LYNX1: variants seen among roughly 807,000 people sequenced by gnomAD.
LYNX1 encodes ly-6/neurotoxin-like protein 1.
A neutral mutation model predicts 8.3 loss-of-function variants in LYNX1; 8 were observed. That is an observed-to-expected ratio of 0.97 (90% confidence interval 0.57 to 1.74). LYNX1 has a LOEUF of 1.74. Among genes scored for constraint, LYNX1 ranks in the 40% most tolerant of loss-of-function variants. The pLI is 0.00. For synonymous variants in LYNX1, 73 were observed against 67.9 expected, an observed-to-expected ratio of 1.08 and a Z score of -0.37; for missense variants, 158 against 159.7, an observed-to-expected ratio of 0.99 and a Z score of 0.06.
intron 3 of LYNX1, 90 bp downstream of exon 3, chr8:142,775,503 C>A: frequency 6.4e-7 from 1 of 1,555,850 alleles, no homozygotes; most frequent in Non-Finnish European, 8.7e-7. Flanking sequence ...AGGAGAGCCT[C>A]CTTCCTCAGG....
At position 142,772,379 on chromosome 8, in the gene LYNX1, A is replaced by C; in HGVS notation, c.*2788T>G. ...CGCTGGAGGCCTTACTCTACCACTCAGGGCTTCTCAAACCTCTGGTTCCAC... is the reference window on the plus strand; with the variant it reads ...CGCTGGAGGCCTTACTCTACCACTCCGGGCTTCTCAAACCTCTGGTTCCAC... On this transcript the variant is annotated 3_prime_UTR_variant, in exon 4 of 4. Transcript: ENST00000652477. 1 of 985,460 alleles carries C rather than the reference A, an allele frequency of 1.0e-6. No individual in the cohort carries two copies. Among genetic ancestry groups the C allele is most frequent in the Middle Eastern group, 5.2e-4 (1 of 1,914 alleles). 61.0% of individuals were successfully genotyped at this position (985,460 alleles called of 1,614,324 possible). A position where few individuals can be genotyped will look rare whatever the true frequency, so the allele number is the denominator to read the frequency against.
chr8:142,772,439 A>T lies in LYNX1; in HGVS notation c.*2728T>A. Reference sequence around the variant, plus strand: ...TTTAAGCTTTCCATTTTGTAAACTCACCTCCCCCTTCCCAGGCTTGGGGGT... The same window carrying T: ...TTTAAGCTTTCCATTTTGTAAACTCTCCTCCCCCTTCCCAGGCTTGGGGGT... On this transcript the variant is annotated 3_prime_UTR_variant, in exon 4 of 4. Coordinates refer to ENST00000652477, the MANE Select transcript of LYNX1 (RefSeq NM_177477.4). 4 of 985,172 alleles carry T rather than the reference A, an allele frequency of 4.1e-6. No individual in the cohort carries two copies. The highest frequency in any genetic ancestry group is 4.8e-6 in the Non-Finnish European group (4 of 829,914). 61.0% of individuals were successfully genotyped at this position (985,172 alleles called of 1,614,324 possible). A position where few individuals can be genotyped will look rare whatever the true frequency, so the allele number is the denominator to read the frequency against.
chr8:142,775,572 A>C, intron 3 of LYNX1, 21 bp downstream of exon 3: 1 of 1,572,504 alleles, frequency 6.4e-7, no homozygotes, highest in Non-Finnish European at 8.6e-7. Flanking sequence ...AGGCAGGGCC[A>C]CGCAGGGCCC....
rs139846676 is a variant in LYNX1, at chr8:142,775,913, T to G, written c.45A>C (p.Leu15Phe). ...GTCCTTTGTCCATCTTACCCAGAGG[T>G]AAGCCCATGAGGACCACCAGGATCA... ...LTLILVVLMG[L>F]PLAQALDCHV... is the part of the protein sequence containing the mutation. The change falls in exon 2 of 4, where the codon TTA becomes TTC. Residue 15 changes from leucine to phenylalanine, a missense_variant. Physicochemically the swap from Leu to Phe is conservative, Grantham distance 22. Coordinates refer to ENST00000652477, the MANE Select transcript of LYNX1 (RefSeq NM_177477.4). The G allele has an allele frequency of 2.5e-5, 41 of 1,613,936 alleles. No homozygotes were observed. Among genetic ancestry groups the G allele is most frequent in the Non-Finnish European group, 3.3e-5 (39 of 1,180,008 alleles).
rs587674471 is a variant in LYNX1, at chr8:142,775,177, C to A, written c.341G>T (p.Gly114Val). The change falls in exon 4 of 4, where the codon GGT becomes GTT. Residue 114 changes from glycine to valine, a missense_variant. By Grantham distance (109) the Gly-to-Val change is moderately radical. Transcript: ENST00000652477. ...LAPILLATLW[G>V]LL ...TCTGCCTCGGGGGCTTTAGAGGAGA[C>A]CCCAGAGGGTGGCCAGGAGGATGGG... is the stretch of plus-strand genomic sequence containing the variant. 1.2e-6 allele frequency: 2 copies of A among 1,611,364 alleles called. No homozygotes were observed. The highest frequency in any genetic ancestry group is 1.7e-6 in the Non-Finnish European group (2 of 1,179,082).
Position 142,774,145 on chromosome 8 carries a change from G to GCCCCGCC in LYNX1, c.*1021_*1022insGGCGGGG. ...GCTGCGGGGGAGGGGCTGGGTCTCC[G>GCCCCGCC]CCCTCCCCACCCCACCCTCCCCACT... On this transcript the variant is annotated 3_prime_UTR_variant, in exon 4 of 4. Transcript: ENST00000652477. 1.0e-6 allele frequency: 1 copy of GCCCCGCC among 981,860 alleles called. No individual in the cohort carries two copies. Among genetic ancestry groups the GCCCCGCC allele is most frequent in the Non-Finnish European group, 1.2e-6 (1 of 827,994 alleles). The allele number at this position is 981,860 out of a possible 1,614,324, so 60.8% of individuals were successfully genotyped here. A position where few individuals can be genotyped will look rare whatever the true frequency, so the allele number is the denominator to read the frequency against.
In LYNX1 at chr8:142,771,507, T is replaced by A. The variant is rs887877492; in HGVS notation, c.*3660A>T. The A allele has an allele frequency of 5.1e-6, 5 of 985,180 alleles. No individual in the cohort carries two copies. The highest frequency in any genetic ancestry group is 4.8e-6 in the Non-Finnish European group (4 of 829,902). 61.0% of individuals were successfully genotyped at this position (985,180 alleles called of 1,614,324 possible). On this transcript the variant is annotated 3_prime_UTR_variant, in exon 4 of 4. Transcript: ENST00000652477. ...CCGTGTGTCTCTCGGGCTGCCCAGG[T>A]GGCTCTGTCCACCCTTCTGTCTGGG...
rs1196066273 is a variant in LYNX1 at position 142,774,764 on chromosome 8, C to A, written c.*403G>T. ...GTCTCCCCACCACCCCACCTGCGGG[C>A]ATTCCTTGTCTTCCCCCTGCCCCAG... On this transcript the variant is annotated 3_prime_UTR_variant, in exon 4 of 4. Coordinates refer to ENST00000652477, the MANE Select transcript of LYNX1 (RefSeq NM_177477.4). 21 of 1,054,616 alleles carry A rather than the reference C, an allele frequency of 2.0e-5. No individual in the cohort carries two copies. Among genetic ancestry groups the A allele is most frequent in the Non-Finnish European group, 2.3e-5 (20 of 873,708 alleles). 65.3% of individuals were successfully genotyped at this position (1,054,616 alleles called of 1,614,324 possible). A position where few individuals can be genotyped will look rare whatever the true frequency, so the allele number is the denominator to read the frequency against.
Position 142,772,362 on chromosome 8 carries a change from G to C in LYNX1, c.*2805C>G. ...CCTGCACCCAGAGGCAGCGCTGGAG[G>C]CCTTACTCTACCACTCAGGGCTTCT... is the stretch of plus-strand genomic sequence containing the variant. On this transcript the variant is annotated 3_prime_UTR_variant, in exon 4 of 4. Coordinates refer to ENST00000652477, the MANE Select transcript of LYNX1 (RefSeq NM_177477.4). 1 of 985,540 alleles carries C rather than the reference G, an allele frequency of 1.0e-6. No individual in the cohort carries two copies. Among genetic ancestry groups the C allele is most frequent in the Non-Finnish European group, 1.2e-6 (1 of 829,968 alleles). 61.0% of individuals were successfully genotyped at this position (985,540 alleles called of 1,614,324 possible).
rs1815398390 is a variant in LYNX1, at chr8:142,775,802, TAGA to T, written c.52+101_52+103del. 35 of 1,555,944 alleles carry T rather than the reference TAGA, an allele frequency of 2.2e-5. No homozygotes were observed. The Middle Eastern group carries it at 5.0e-4, about 22-fold the overall frequency. ...CGTCACCTTCCCCGGGGCAGGGGGC[TAGA>T]AGGAGGGGTTGTCGCTGGGAATTCT... On this transcript the variant is annotated intron_variant, in intron 2 of 3. Transcript: ENST00000652477.
In LYNX1 at chr8:142,775,061, G is replaced by A; in HGVS notation, c.*106C>T. ...CACAGTCCTGACCCTGGGCATGGCTGAGGAGGTCGCAGGGAGTGTGGAGGG... is the reference window on the plus strand; with the variant it reads ...CACAGTCCTGACCCTGGGCATGGCTAAGGAGGTCGCAGGGAGTGTGGAGGG... On this transcript the variant is annotated 3_prime_UTR_variant, in exon 4 of 4. Coordinates refer to ENST00000652477, the MANE Select transcript of LYNX1 (RefSeq NM_177477.4). 1.3e-6 allele frequency: 2 copies of A among 1,487,542 alleles called. No individual in the cohort carries two copies. The highest frequency in any genetic ancestry group is 1.3e-5 in the South Asian group (1 of 74,750). 92.1% of individuals were successfully genotyped at this position (1,487,542 alleles called of 1,614,324 possible).
chr8:142,776,123 T>A lies in LYNX1; in HGVS notation c.-164-2A>T. On this transcript the variant is annotated splice_acceptor_variant, in intron 1 of 3. Transcript: ENST00000652477. LOFTEE classifies it low-confidence loss of function (5UTR_SPLICE). ...TGGTCTACTGGGAGTGCTGCAACCC[T>A]GCACAGCAGGTGGCAAAGACAGGTG... 1 of 753,702 alleles carries A rather than the reference T, an allele frequency of 1.3e-6. No homozygotes were observed. The highest frequency in any genetic ancestry group is 2.2e-6 in the Non-Finnish European group (1 of 450,862). 46.7% of individuals were successfully genotyped at this position (753,702 alleles called of 1,614,324 possible).
At position 142,772,131 on chromosome 8, in the gene LYNX1, C is replaced by T. The variant is rs1815208765; in HGVS notation, c.*3036G>A. ...GTCCAGTTCCCAGAATGTATAACATCCTAGGGTGACAGAGCCCGCCCAAGC... is the reference window on the plus strand; with the variant it reads ...GTCCAGTTCCCAGAATGTATAACATTCTAGGGTGACAGAGCCCGCCCAAGC... On this transcript the variant is annotated 3_prime_UTR_variant, in exon 4 of 4. Coordinates refer to ENST00000652477, the MANE Select transcript of LYNX1 (RefSeq NM_177477.4). The T allele has an allele frequency of 2.0e-6, 2 of 986,294 alleles. No homozygotes were observed. The highest frequency in any genetic ancestry group is 2.4e-6 in the Non-Finnish European group (2 of 830,204). The allele number at this position is 986,294 out of a possible 1,614,324, so 61.1% of individuals were successfully genotyped here. A position where few individuals can be genotyped will look rare whatever the true frequency, so the allele number is the denominator to read the frequency against.
rs1245945229 is a variant in LYNX1 at position 142,772,274 on chromosome 8, C to A, written c.*2893G>T. 2 of 985,826 alleles carry A rather than the reference C, an allele frequency of 2.0e-6. No individual in the cohort carries two copies. Among genetic ancestry groups the A allele is most frequent in the African/African-American group, 1.7e-5 (1 of 57,240 alleles). The allele number at this position is 985,826 out of a possible 1,614,324, so 61.1% of individuals were successfully genotyped here. On this transcript the variant is annotated 3_prime_UTR_variant, in exon 4 of 4. Coordinates refer to ENST00000652477, the MANE Select transcript of LYNX1 (RefSeq NM_177477.4). Reference sequence around the variant, plus strand: ...ACCCTCGGTTCTGCGAGAGAGATCCCCGAAGTGGGAACTGGGCCCCCATGG... The same window carrying A: ...ACCCTCGGTTCTGCGAGAGAGATCCACGAAGTGGGAACTGGGCCCCCATGG...
chr8:142,774,915 A>C lies in LYNX1; in HGVS notation c.*252T>G. The C allele has an allele frequency of 9.3e-6, 13 of 1,390,378 alleles. No homozygotes were observed. The highest frequency in any genetic ancestry group is 1.2e-5 in the Non-Finnish European group (13 of 1,074,382). The allele number at this position is 1,390,378 out of a possible 1,614,324, so 86.1% of individuals were successfully genotyped here. ...CCCCTCCCCATAAATAGCCCTGGAC[A>C]GGCGAGGGGCTGATCAGCCCATCAA... On this transcript the variant is annotated 3_prime_UTR_variant, in exon 4 of 4. Coordinates refer to ENST00000652477, the MANE Select transcript of LYNX1 (RefSeq NM_177477.4).
At chr8:142,777,502 GC>G (rs1420016148), upstream of LYNX1, among the ~76,000 whole-genome samples, 123 of 102,168 alleles carry the variant, frequency 1.2e-3, 17 homozygotes, top group African/African-American at 5.2e-3. Flanking sequence ...CTGGGCACCC[GC>G]CGAGCCGAGT....
chr8:142,776,060 G>T lies in LYNX1; in HGVS notation c.-103C>A. 7.2e-7 allele frequency: 1 copy of T among 1,383,002 alleles called. No homozygotes were observed. The highest frequency in any genetic ancestry group is 1.8e-5 in the Admixed American group (1 of 54,156). 85.7% of individuals were successfully genotyped at this position (1,383,002 alleles called of 1,614,324 possible). On this transcript the variant is annotated 5_prime_UTR_variant, in exon 2 of 4. Coordinates refer to ENST00000652477, the MANE Select transcript of LYNX1 (RefSeq NM_177477.4). Reference sequence around the variant, plus strand: ...CAGAGGATCCAACTCAGGGTGGTGCGCAGAGGACGTGGGGCCGGCCCTGCC... The same window carrying T: ...CAGAGGATCCAACTCAGGGTGGTGCTCAGAGGACGTGGGGCCGGCCCTGCC...
At position 142,774,689 on chromosome 8, in the gene LYNX1, G is replaced by A. The variant is rs1223848012; in HGVS notation, c.*478C>T. On this transcript the variant is annotated 3_prime_UTR_variant, in exon 4 of 4. Coordinates refer to ENST00000652477, the MANE Select transcript of LYNX1 (RefSeq NM_177477.4). ...TCCCGTACCGGTCCTGGCAGCTCCTGGCCTCAGTAGGAAGCGTGACTAGGC... is the reference window on the plus strand; with the variant it reads ...TCCCGTACCGGTCCTGGCAGCTCCTAGCCTCAGTAGGAAGCGTGACTAGGC... 1.0e-6 allele frequency: 1 copy of A among 995,826 alleles called. No homozygotes were observed. Among genetic ancestry groups the A allele is most frequent in the Non-Finnish European group, 1.2e-6 (1 of 836,502 alleles). 61.7% of individuals were successfully genotyped at this position (995,826 alleles called of 1,614,324 possible).
rs895361058 is a variant in LYNX1, at chr8:142,773,654, A to C, written c.*1513T>G. 1.9e-5 allele frequency: 19 copies of C among 984,984 alleles called. No individual in the cohort carries two copies. The highest frequency in any genetic ancestry group is 2.3e-5 in the Non-Finnish European group (19 of 829,866). 61.0% of individuals were successfully genotyped at this position (984,984 alleles called of 1,614,324 possible). On this transcript the variant is annotated 3_prime_UTR_variant, in exon 4 of 4. Transcript: ENST00000652477. Reference sequence around the variant, plus strand: ...CTGCATATAGACTCACTGCAAGGAGACCCCTGGGGTGGAGACCCTCATTCC... The same window carrying C: ...CTGCATATAGACTCACTGCAAGGAGCCCCCTGGGGTGGAGACCCTCATTCC...
Sources: gnomAD v4.1 joint callset for allele counts (sites outside exome capture counted in the v4.1 genomes callset) on GRCh38, gnomAD v4.1.1 for gene constraint, MANE v1.5 for transcripts, NCBI Gene and HGNC (gene_info 2026-07-23, HGNC 2026-07-21) for gene names.